RNF212: variants seen among roughly 807,000 people sequenced by gnomAD.
RNF212 encodes probable E3 SUMO-protein ligase RNF212.
A neutral mutation model predicts 34.7 loss-of-function variants in RNF212; 33 were observed. The observed-to-expected ratio is 0.95, with a 90% confidence interval of 0.72 to 1.27. The LOEUF is 1.27. Among genes scored for constraint, RNF212 ranks in the 50% most tolerant of loss-of-function variants. RNF212 has a pLI of 0.00. For synonymous variants in RNF212, 140 were observed against 136.1 expected, an observed-to-expected ratio of 1.03 and a Z score of -0.20; for missense variants, 377 against 362.2, an observed-to-expected ratio of 1.04 and a Z score of -0.33.
chr4:1,080,814 A>G (rs187382699), intron 7 of RNF212, among the ~76,000 whole-genome samples: 6 of 152,304 alleles, frequency 3.9e-5, no homozygotes, highest in Non-Finnish European at 7.4e-5. Flanking sequence ...ACAGGGGTGG[A>G]CTGAATTTGT....
Position 1,095,650 on chromosome 4 carries a change from G to C in RNF212, c.246+1115C>G, listed in dbSNP as rs543104747. Among the ~76,000 whole-genome samples, 6 of 40,098 alleles carry C rather than the reference G, an allele frequency of 1.5e-4. No homozygotes were observed. In the East Asian group the frequency reaches 3.7e-3, roughly 25 times the overall value. The allele number at this position is 40,098 out of a possible 152,430, so 26.3% of individuals were successfully genotyped here. On this transcript the variant is annotated intron_variant, in intron 3 of 9. Transcript: ENST00000433731. ...ACACCCCCCACAGCTCCATGGTCTC[G>C]GGATAGCGCACCTGGCTCATCACAG...
intron 2 of RNF212, among the ~76,000 whole-genome samples, chr4:1,097,121 G>A (rs1723187648): frequency 6.6e-6 from 1 of 152,130 alleles, no homozygotes; most frequent in South Asian, 2.1e-4. Flanking sequence ...AAGGGTCTTA[G>A]TGAGGGCAGA....
At chr4:1,098,576 T>C (rs633599) in intron 2 of RNF212, among the ~76,000 whole-genome samples, 28,087 of 152,074 alleles carry the variant, frequency 0.18, 4,212 homozygotes, top group African/African-American at 0.42. Context: ...AACACCCTCC[T>C]ATACACACCA....
At chr4:1,087,983 T>C (rs190589493) in intron 4 of RNF212, among the ~76,000 whole-genome samples, 132 of 152,194 alleles carry the variant, frequency 8.7e-4, no homozygotes, top group Middle Eastern at 6.8e-3. Context: ...TAGTTCTTTA[T>C]AGGAGTGTGA....
chr4:1,059,166 C>T (rs2153031760), intron 3 of RNF212, among the ~76,000 whole-genome samples: 1 of 152,350 alleles, frequency 6.6e-6, no homozygotes, highest in Non-Finnish European at 1.5e-5. Flanking sequence ...GGGTTGCCGG[C>T]TTGTGGGGCA....
At chr4:1,106,557 A>G (rs1182357133) in intron 2 of RNF212, among the ~76,000 whole-genome samples, 1 of 152,262 alleles carries the variant, frequency 6.6e-6, no homozygotes, top group African/African-American at 2.4e-5. Context: ...TAGAAATCAG[A>G]GAAAAGCGGT....
At chr4:1,064,083 T>C (rs1717929989) in intron 3 of RNF212, among the ~76,000 whole-genome samples, 1 of 151,916 alleles carries the variant, frequency 6.6e-6, no homozygotes, top group Admixed American at 6.6e-5. Context: ...AAACTGGAAA[T>C]GGTTAATATG....
chr4:1,074,102 G>A (rs1163466815), intron 8 of RNF212, among the ~76,000 whole-genome samples: 1 of 152,098 alleles, frequency 6.6e-6, no homozygotes, highest in Non-Finnish European at 1.5e-5. Flanking sequence ...GCCCTGCTCT[G>A]TGCCCACCCT....
Position 1,107,101 on chromosome 4 carries a change from G to A in RNF212, c.171+1242C>T, listed in dbSNP as rs1010494374. Among the ~76,000 whole-genome samples, 2 of 151,926 alleles carry A rather than the reference G, an allele frequency of 1.3e-5. 1 individual carries two copies. Among genetic ancestry groups the A allele is most frequent in the Non-Finnish European group, 2.9e-5 (2 of 67,994 alleles). On this transcript the variant is annotated intron_variant, in intron 2 of 9. Coordinates refer to ENST00000433731, the MANE Select transcript of RNF212 (RefSeq NM_001131034.4). ...GAGTCTTGCTCTGTCGCCCAGGCTG[G>A]AGTGCAGTGGTGTGATCTCAGCTCA... is the stretch of plus-strand genomic sequence containing the variant.
chr4:1,111,474 C>T (rs1011467649), intron 1 of RNF212, among the ~76,000 whole-genome samples: 1 of 152,204 alleles, frequency 6.6e-6, no homozygotes, highest in African/African-American at 2.4e-5. Context: ...CCCCACCCTG[C>T]TGGGTTCCCT....
intron 2 of RNF212, among the ~76,000 whole-genome samples, chr4:1,101,813 CA>C (rs1724037353): frequency 6.6e-6 from 1 of 152,132 alleles, no homozygotes; most frequent in Non-Finnish European, 1.5e-5. Flanking sequence ...AAGCTTGCAG[CA>C]GGGGGTAAAC....
chr4:1,103,316 A>G (rs373195454), intron 2 of RNF212, among the ~76,000 whole-genome samples: 8 of 152,350 alleles, frequency 5.3e-5, no homozygotes, highest in African/African-American at 1.9e-4. Flanking sequence ...GCTACCAAAC[A>G]TTTAAAGAAA....
intron 4 of RNF212, among the ~76,000 whole-genome samples, chr4:1,086,175 C>G (rs1276020699): frequency 2.6e-5 from 4 of 152,176 alleles, no homozygotes; most frequent in African/African-American, 9.6e-5. Context: ...CCCCAGGGGA[C>G]AAATCTCAGT....
At chr4:1,092,122 A>G (rs1459724173) in intron 3 of RNF212, among the ~76,000 whole-genome samples, 1 of 152,128 alleles carries the variant, frequency 6.6e-6, no homozygotes, top group Non-Finnish European at 1.5e-5. Context: ...GGAACATTCC[A>G]CCCTGCAGGC....
intron 4 of RNF212, among the ~76,000 whole-genome samples, chr4:1,089,335 T>A (rs1721825500): frequency 6.6e-6 from 1 of 152,248 alleles, no homozygotes; most frequent in African/African-American, 2.4e-5. Flanking sequence ...TGGACTTGCA[T>A]GGGGCCTGCA....
At chr4:1,090,900 G>A in intron 3 of RNF212, 62 bp from the exon 4 acceptor site, 1 of 1,068,438 alleles carries the variant, frequency 9.4e-7, no homozygotes. Flanking sequence ...CTGGAGTTTT[G>A]TTGGGGGAGG....
chr4:1,079,043 T>TCAACACAGGACCAACATGGGACCAACAC (rs1719858513), intron 8 of RNF212, among the ~76,000 whole-genome samples: 1 of 33,458 alleles, frequency 3.0e-5, no homozygotes, highest in Non-Finnish European at 6.9e-5. Flanking sequence ...GGGACCAACA[T>TCAACACAGGACCAACATGGGACCAACAC]AGAGTCAACA....
Position 1,072,674 on chromosome 4 carries a change from A to G in RNF212, c.*200T>C, listed in dbSNP as rs538061393. The G allele has an allele frequency of 8.0e-7, 1 of 1,253,414 alleles. No individual in the cohort carries two copies. Among genetic ancestry groups the G allele is most frequent in the East Asian group, 2.8e-5 (1 of 36,184 alleles). The allele number at this position is 1,253,414 out of a possible 1,614,324, so 77.6% of individuals were successfully genotyped here. ...AAAATAAAAGGGATAATAACAATAT[A>G]TATGAGTACATAAAAATATTGTCTC... On this transcript the variant is annotated 3_prime_UTR_variant, in exon 10 of 10. Transcript: ENST00000433731.
intron 8 of RNF212, chr4:1,073,893 G>C (rs779810163): frequency 1.1e-4 from 62 of 544,710 alleles, no homozygotes; most frequent in Non-Finnish European, 1.8e-4. Context: ...GATTCCCTCT[G>C]TTCCACCAGG....
Sources: allele counts gnomAD v4.1 joint callset (sites outside exome capture counted in the v4.1 genomes callset), GRCh38; gene constraint gnomAD v4.1.1; transcripts MANE v1.5; gene names NCBI Gene and HGNC (gene_info 2026-07-23, HGNC 2026-07-21).